ANTXR1: variants seen among roughly 807,000 people sequenced by gnomAD.
ANTXR1 encodes anthrax toxin receptor 1.
Under a neutral mutation model 78.1 loss-of-function variants are expected in ANTXR1, and 19 were observed. The ratio of observed to expected loss-of-function variants is 0.24; its 90% CI spans 0.17 to 0.36. ANTXR1 has a LOEUF of 0.36. Ranked by LOEUF, ANTXR1 falls within the 10% of genes least tolerant of loss-of-function variation. The probability of loss-of-function intolerance (pLI) is 1.00; values close to 1 mark genes in which losing one functional copy is unlikely to be tolerated. For synonymous variants in ANTXR1, 273 were observed against 260.5 expected (o/e 1.05, Z -0.46); for missense variants, 518 against 718.6 (o/e 0.72, Z 3.19).
chr2:69,063,040 G>C (rs1670291951), intron 3 of ANTXR1, among the ~76,000 whole-genome samples: 1 of 152,128 alleles, frequency 6.6e-6, no homozygotes, highest in Admixed American at 6.6e-5. Context: ...CAAACTGAAA[G>C]ACAGAAAGGG....
chr2:69,022,249 A>C (rs572031310), intron 1 of ANTXR1, among the ~76,000 whole-genome samples: 2 of 152,210 alleles, frequency 1.3e-5, no homozygotes, highest in African/African-American at 4.8e-5. Flanking sequence ...CTGGGCTCCT[A>C]CTAGTGCTTC....
At chr2:69,076,403 G>A (rs1573846862) in intron 7 of ANTXR1, among the ~76,000 whole-genome samples, 3 of 152,214 alleles carry the variant, frequency 2.0e-5, no homozygotes. Flanking sequence ...AAAAAAATGT[G>A]TATAGGTGCA....
At chr2:69,229,101 C>T (rs1048791553) in intron 17 of ANTXR1, among the ~76,000 whole-genome samples, 15 of 152,064 alleles carry the variant, frequency 9.9e-5, no homozygotes, top group African/African-American at 2.9e-4. Flanking sequence ...CCCTCATGAC[C>T]TCATCCAACC....
intron 9 of ANTXR1, among the ~76,000 whole-genome samples, chr2:69,099,502 T>G (rs892560769): frequency 1.3e-5 from 2 of 152,238 alleles, no homozygotes; most frequent in African/African-American, 4.8e-5. Context: ...TGTGTTTAAC[T>G]TTGTAGAAGA....
chr2:69,199,942 T>A (rs758276368), intron 17 of ANTXR1, among the ~76,000 whole-genome samples: 1 of 152,166 alleles, frequency 6.6e-6, no homozygotes, highest in Non-Finnish European at 1.5e-5. Flanking sequence ...GGAAGATGGT[T>A]AATCTAGACT....
At chr2:69,052,633 T>C (rs571390724) in intron 3 of ANTXR1, among the ~76,000 whole-genome samples, 4 of 152,292 alleles carry the variant, frequency 2.6e-5, no homozygotes, top group Admixed American at 6.5e-5. Context: ...TGTGTAGTAC[T>C]TGAGCCATTC....
At chr2:69,193,510 A>G (rs1035448585) in intron 17 of ANTXR1, 95 bp downstream of exon 17, 4 of 1,132,492 alleles carry the variant, frequency 3.5e-6, no homozygotes, top group Non-Finnish European at 5.3e-6. Context: ...TTCTCTCTCC[A>G]TCTTTGTAGA....
chr2:69,147,866 G>T (rs59930423), intron 12 of ANTXR1, among the ~76,000 whole-genome samples: 1 of 152,046 alleles, frequency 6.6e-6, no homozygotes, highest in Non-Finnish European at 1.5e-5. Context: ...CTGTTTTACC[G>T]AGGCTCACTG....
At chr2:69,123,814 T>C (rs1384305890) in intron 11 of ANTXR1, among the ~76,000 whole-genome samples, 1 of 152,068 alleles carries the variant, frequency 6.6e-6, no homozygotes, top group Admixed American at 6.5e-5. Context: ...CAGAGAACAA[T>C]AACAACAAAA....
chr2:69,160,560 A>G (rs142579002), intron 13 of ANTXR1, among the ~76,000 whole-genome samples: 330 of 152,280 alleles, frequency 2.2e-3, no homozygotes, highest in African/African-American at 7.8e-3. Context: ...TACTGAAACC[A>G]TCTGAGGAGT....
chr2:69,048,287 A>G (rs924081466), intron 3 of ANTXR1, among the ~76,000 whole-genome samples: 5 of 152,110 alleles, frequency 3.3e-5, no homozygotes, highest in African/African-American at 4.8e-5. Context: ...TCCTTTACCT[A>G]CTAGTACACT....
intron 10 of ANTXR1, among the ~76,000 whole-genome samples, chr2:69,115,271 T>G (rs1672106336): frequency 6.6e-6 from 1 of 152,240 alleles, no homozygotes; most frequent in South Asian, 2.1e-4. Context: ...GTAACTTGCT[T>G]CTTATCACAC....
At chr2:69,056,706 G>C (rs1670077489) in intron 3 of ANTXR1, among the ~76,000 whole-genome samples, 1 of 151,872 alleles carries the variant, frequency 6.6e-6, no homozygotes. Flanking sequence ...AGAGGGTTTT[G>C]CTCTGTTGCC....
At chr2:69,227,372 C>T (rs1456170055) in intron 17 of ANTXR1, among the ~76,000 whole-genome samples, 1 of 152,114 alleles carries the variant, frequency 6.6e-6, no homozygotes, top group East Asian at 1.9e-4. Flanking sequence ...GGGCATCCAA[C>T]TCCATGGTCA....
In ANTXR1 at chr2:69,013,211, G is replaced by A; in HGVS notation, c.-289G>A. The A allele has an allele frequency of 2.2e-6, 1 of 463,270 alleles. No individual in the cohort carries two copies. The highest frequency in any genetic ancestry group is 3.9e-6 in the Non-Finnish European group (1 of 258,048). 28.7% of individuals were successfully genotyped at this position (463,270 alleles called of 1,614,324 possible). On this transcript the variant is annotated 5_prime_UTR_variant, in exon 1 of 18. Coordinates refer to ENST00000303714, the MANE Select transcript of ANTXR1 (RefSeq NM_032208.3). This position sits in a 1 kb window ranked among gnomAD's most constrained non-coding sequence, Gnocchi z 5.0. Reference sequence around the variant, plus strand: ...TCCTTCCATTGCAAAAGCTCGGCGCGGCCTCGGGAGCTGCCCGGCGGCCCC... The same window carrying A: ...TCCTTCCATTGCAAAAGCTCGGCGCAGCCTCGGGAGCTGCCCGGCGGCCCC...
At chr2:69,039,224 G>A (rs1306433581) in intron 1 of ANTXR1, among the ~76,000 whole-genome samples, 1 of 152,144 alleles carries the variant, frequency 6.6e-6, no homozygotes, top group Non-Finnish European at 1.5e-5. Flanking sequence ...ACTAATCGGA[G>A]CCATTGCAAC....
chr2:69,178,835 C>T (rs1055501978), intron 14 of ANTXR1, among the ~76,000 whole-genome samples: 3 of 152,202 alleles, frequency 2.0e-5, no homozygotes, highest in Admixed American at 1.3e-4. Flanking sequence ...TCTGACTCCT[C>T]TTCTGTGCAG....
intron 17 of ANTXR1, among the ~76,000 whole-genome samples, chr2:69,221,338 T>A (rs1675314285): frequency 6.6e-6 from 1 of 152,214 alleles, no homozygotes; most frequent in Admixed American, 6.5e-5. Flanking sequence ...GTTGGGGGGC[T>A]TATTAGCTCA....
At chr2:69,228,849 G>T (rs1003740151) in intron 17 of ANTXR1, among the ~76,000 whole-genome samples, 1 of 152,296 alleles carries the variant, frequency 6.6e-6, no homozygotes, top group South Asian at 2.1e-4. Flanking sequence ...CTCTTAGTGT[G>T]CTCAGGCTGC....
Sources: gnomAD v4.1 joint callset for allele counts (sites outside exome capture counted in the v4.1 genomes callset) on GRCh38, gnomAD v4.1.1 for gene constraint, Gnocchi (gnomAD v3.1) non-coding constraint, MANE v1.5 for transcripts, NCBI Gene and HGNC (gene_info 2026-07-23, HGNC 2026-07-21) for gene names.